The following PCDH11X variants were observed in gnomAD, a reference collection of about 807,000 sequenced individuals.
PCDH11X encodes protocadherin-11 X-linked.
Under a neutral mutation model 53.3 loss-of-function variants are expected in PCDH11X, and 18 were observed. The observed-to-expected ratio is 0.34, with a 90% CI of 0.23 to 0.50. PCDH11X has a LOEUF of 0.50. Among genes scored for constraint, PCDH11X ranks in the 20% least tolerant of loss-of-function variants. The pLI is 0.98. For synonymous variants in PCDH11X, 279 were observed against 393.3 expected (o/e 0.71, Z 3.44); for missense variants, 570 against 1,032.4 (o/e 0.55, Z 6.14).
chrX:92,051,907 A>C (rs1350467580), intron 6 of PCDH11X, among the ~76,000 whole-genome samples: 2 of 109,555 alleles, frequency 1.8e-5, no homozygotes, highest in African/African-American at 3.3e-5. Context: ...TAAAATGCTC[A>C]TACAAATAGT....
chrX:92,085,037 C>T (rs1477912065), intron 6 of PCDH11X, among the ~76,000 whole-genome samples: 14 of 109,952 alleles, frequency 1.3e-4, no homozygotes, highest in African/African-American at 3.3e-5. Flanking sequence ...ATGAATGAGG[C>T]GGCACTCAGA....
chrX:92,287,250 C>T (rs909383068), intron 8 of PCDH11X, among the ~76,000 whole-genome samples: 6 of 111,003 alleles, frequency 5.4e-5, no homozygotes, highest in African/African-American at 2.0e-4. Context: ...GTCCATGAGC[C>T]ATGATTGTTT....
At chrX:92,505,164 T>G (rs2074031693) in intron 10 of PCDH11X, among the ~76,000 whole-genome samples, 1 of 56,136 alleles carries the variant, frequency 1.8e-5, no homozygotes, top group African/African-American at 4.9e-5. Flanking sequence ...TTTTTTTTTT[T>G]TTGTTTTTTT....
intron 6 of PCDH11X, among the ~76,000 whole-genome samples, chrX:92,165,440 G>A (rs2065716977): frequency 9.0e-6 from 1 of 110,668 alleles, no homozygotes; most frequent in African/African-American, 3.3e-5. Context: ...TTTATTGTCT[G>A]TACAGGGTAT....
chrX:92,383,278 C>T (rs1358148539), intron 8 of PCDH11X, among the ~76,000 whole-genome samples: 1 of 106,418 alleles, frequency 9.4e-6, no homozygotes, highest in Non-Finnish European at 1.9e-5. Context: ...AAGAGGGGTC[C>T]TAGAGGATGA....
intron 6 of PCDH11X, among the ~76,000 whole-genome samples, chrX:92,102,163 A>T (rs2064270164): frequency 9.0e-6 from 1 of 111,551 alleles, no homozygotes; most frequent in Admixed American, 9.6e-5. Context: ...TAATTGTGGG[A>T]CTTAAGAAAG....
intron 6 of PCDH11X, among the ~76,000 whole-genome samples, chrX:92,046,306 G>A (rs1314653553): frequency 1.8e-5 from 2 of 111,786 alleles, no homozygotes; most frequent in African/African-American, 3.3e-5. Context: ...TGATTTTTAA[G>A]CATGTAGGTT....
intron 8 of PCDH11X, among the ~76,000 whole-genome samples, chrX:92,339,050 G>A (rs1409844779): frequency 9.0e-6 from 1 of 111,484 alleles, no homozygotes; most frequent in Non-Finnish European, 1.9e-5. Context: ...AAAACAGCAT[G>A]ATACCCATGC....
chrX:92,116,754 G>C (rs1487673928), intron 6 of PCDH11X, among the ~76,000 whole-genome samples: 1 of 109,791 alleles, frequency 9.1e-6, no homozygotes, highest in Non-Finnish European at 1.9e-5. Flanking sequence ...CTTAGCAAAT[G>C]TTTTGTATTT....
chrX:92,002,882 T>C (rs2062533896), intron 6 of PCDH11X, among the ~76,000 whole-genome samples: 1 of 107,294 alleles, frequency 9.3e-6, no homozygotes, highest in Non-Finnish European at 1.9e-5. Flanking sequence ...TTCTTTTATA[T>C]TTTTCTTATG....
intron 8 of PCDH11X, among the ~76,000 whole-genome samples, chrX:92,315,093 T>C (rs1337914060): frequency 1.8e-5 from 2 of 111,602 alleles, no homozygotes; most frequent in Non-Finnish European, 3.8e-5. Flanking sequence ...ACAAGAAAAG[T>C]GCAATCAATA....
intron 7 of PCDH11X, among the ~76,000 whole-genome samples, chrX:92,228,146 C>T (rs1281592084): frequency 9.0e-6 from 1 of 111,428 alleles, no homozygotes; most frequent in Non-Finnish European, 1.9e-5. Flanking sequence ...TTTTGGATGT[C>T]TACTAGTTAG....
chrX:92,120,155 CTTTTTTTTTTTTTT>C (rs764997941), intron 6 of PCDH11X, among the ~76,000 whole-genome samples: 1 of 60,690 alleles, frequency 1.6e-5, no homozygotes, highest in Admixed American at 2.1e-4. Flanking sequence ...ACTTTTCTTT[CTTTTTTTTTTTTTT>C]TTTTTTTTTG....
chrX:92,221,324 CACAT>C (rs1222976809), intron 7 of PCDH11X, among the ~76,000 whole-genome samples: 3 of 79,229 alleles, frequency 3.8e-5, no homozygotes, highest in Non-Finnish European at 5.2e-5. Context: ...CACACACACA[CACAT>C]ATATACGAAG....
intron 7 of PCDH11X, among the ~76,000 whole-genome samples, chrX:92,214,870 G>A (rs919678836): frequency 9.9e-5 from 11 of 110,874 alleles, no homozygotes; most frequent in African/African-American, 3.0e-4. Flanking sequence ...GCAGCACAGC[G>A]AAACCTCTTT....
At chrX:92,535,414 C>T (rs1228235831) in intron 10 of PCDH11X, among the ~76,000 whole-genome samples, 1 of 110,912 alleles carries the variant, frequency 9.0e-6, no homozygotes, top group Non-Finnish European at 1.9e-5. Flanking sequence ...AGCAAACTAA[C>T]ATGGGAACAG....
intron 6 of PCDH11X, among the ~76,000 whole-genome samples, chrX:91,980,960 TATATATATATATACACTGA>T (rs2062121242): frequency 4.4e-5 from 4 of 90,834 alleles, no homozygotes; most frequent in African/African-American, 1.3e-4. Context: ...TATATGTATA[TATATATATATATACACTGA>T]ATATATATAT....
intron 6 of PCDH11X, among the ~76,000 whole-genome samples, chrX:92,185,529 G>T (rs749949861): frequency 1.8e-5 from 2 of 111,589 alleles, no homozygotes; most frequent in African/African-American, 6.5e-5. Context: ...CAAACTAAAA[G>T]TCTTCTGCAA....
At chrX:92,148,131 T>C (rs1251777929) in intron 6 of PCDH11X, among the ~76,000 whole-genome samples, 9 of 10,832 alleles carry the variant, frequency 8.3e-4, no homozygotes, top group East Asian at 5.7e-3. Context: ...TCTTTCTTTC[T>C]TTTTCCTTCC....
Sources: allele counts gnomAD v4.1 joint callset (sites outside exome capture counted in the v4.1 genomes callset), GRCh38; gene constraint gnomAD v4.1.1; transcripts MANE v1.5; gene names NCBI Gene and HGNC (gene_info 2026-07-23, HGNC 2026-07-21).